Variants in CFAP46 observed in about 807,000 individuals in gnomAD.
The protein encoded by CFAP46 is cilia and flagella associated protein 46.
In CFAP46, 245 loss-of-function variants were observed where a neutral mutation model predicts 325.7. That is an observed-to-expected ratio of 0.75 (90% CI 0.68 to 0.84). The LOEUF (loss-of-function observed/expected upper bound fraction) is 0.84. CFAP46 is among the 40% of genes least tolerant of loss of function. CFAP46 has a pLI of 0.00. For synonymous variants in CFAP46, 1,523 were observed against 1,495.9 expected, an observed-to-expected ratio of 1.02 and a Z score of -0.42; for missense variants, 3,346 against 3,543.0, an observed-to-expected ratio of 0.94 and a Z score of 1.41.
Position 132,814,622 on chromosome 10 carries a change from G to A in CFAP46, c.7250-10C>T, listed in dbSNP as rs762980782. The A allele has an allele frequency of 5.8e-5, 92 of 1,577,886 alleles. No homozygotes were observed. The highest frequency in any genetic ancestry group is 6.0e-5 in the Non-Finnish European group (70 of 1,162,212). On this transcript the variant is annotated splice_polypyrimidine_tract_variant and intron_variant, in intron 52 of 57. Transcript: ENST00000368586. ...TATGGGTCCACGACGACTGGGTCCCGGTCAAGGAGAAACGGGAGCACAGGG... is the reference window on the plus strand; with the variant it reads ...TATGGGTCCACGACGACTGGGTCCCAGTCAAGGAGAAACGGGAGCACAGGG...
At position 132,827,266 on chromosome 10, in the gene CFAP46, C is replaced by T. The variant is rs557634101; in HGVS notation, c.7117+6092G>A. 9.2e-5 allele frequency among the ~76,000 whole-genome samples: 14 copies of T among 152,170 alleles called. No individual in the cohort carries two copies. The highest frequency in any genetic ancestry group is 5.2e-4 in the Admixed American group (8 of 15,296). On this transcript the variant is annotated intron_variant, in intron 50 of 57. Transcript: ENST00000368586. This position sits in a 1 kb window ranked among gnomAD's most constrained non-coding sequence, Gnocchi z 5.7. Reference sequence around the variant, plus strand: ...GCCACAGTTCCGAGAAGGGGCTGACCGTGGCCTGTGATGGACGGGGCACCC... The same window carrying T: ...GCCACAGTTCCGAGAAGGGGCTGACTGTGGCCTGTGATGGACGGGGCACCC...
chr10:132,862,078 C>T (rs766224680), intron 35 of CFAP46, among the ~76,000 whole-genome samples: 3 of 152,246 alleles, frequency 2.0e-5, no homozygotes, highest in Non-Finnish European at 4.4e-5. Context: ...CGCCAGACGG[C>T]GTAGGCAGGG....
intron 55 of CFAP46, among the ~76,000 whole-genome samples, chr10:132,811,335 C>T (rs1056347770): frequency 2.6e-5 from 4 of 152,198 alleles, no homozygotes; most frequent in Non-Finnish European, 5.9e-5. Flanking sequence ...GAGGGCATCT[C>T]GGCACCCCCA....
At chr10:132,933,507 C>T (rs56012870) in intron 8 of CFAP46, among the ~76,000 whole-genome samples, 9,970 of 152,274 alleles carry the variant, frequency 0.065, 774 homozygotes, top group African/African-American at 0.19. Context: ...TGATGGAAGA[C>T]GTAAACTCCT....
chr10:132,879,810 G>A (rs1849012333), intron 28 of CFAP46, among the ~76,000 whole-genome samples, 179 bp from the exon 29 acceptor site: 1 of 152,166 alleles, frequency 6.6e-6, no homozygotes, highest in Non-Finnish European at 1.5e-5. Flanking sequence ...CTTACTCTGC[G>A]AAGGCTGAGC....
Position 132,869,193 on chromosome 10 carries a change from T to G in CFAP46, c.4610+81A>C. ...AGGGGCAGGAGTCCAGGGAAGAGGG[T>G]GGCCGCGCAGCTGGCTTTCACCTGG... is the stretch of plus-strand genomic sequence containing the variant. On this transcript the variant is annotated intron_variant, in intron 33 of 57. Coordinates refer to ENST00000368586, the MANE Select transcript of CFAP46 (RefSeq NM_001200049.3). The surrounding 1 kb of genome is among the most constrained non-coding windows in gnomAD (Gnocchi z 6.2). 1 of 1,172,986 alleles carries G rather than the reference T, an allele frequency of 8.5e-7. No individual in the cohort carries two copies. The highest frequency in any genetic ancestry group is 2.3e-5 in the Admixed American group (1 of 42,794). The allele number at this position is 1,172,986 out of a possible 1,614,324, so 72.7% of individuals were successfully genotyped here.
intron 55 of CFAP46, 34 bp downstream of exon 55, chr10:132,812,751 G>C (rs372149461): frequency 6.5e-7 from 1 of 1,530,836 alleles, no homozygotes; most frequent in East Asian, 2.2e-5. Context: ...TCCTGTGCCC[G>C]CGGGGGAGGG....
At chr10:132,891,872 G>A (rs1440964135) in intron 25 of CFAP46, among the ~76,000 whole-genome samples, 1 of 152,148 alleles carries the variant, frequency 6.6e-6, no homozygotes, top group Non-Finnish European at 1.5e-5. Context: ...TCCCCTCTGA[G>A]TTGTCCCACC....
At position 132,879,407 on chromosome 10, in the gene CFAP46, A is replaced by C; in HGVS notation, c.4005+19T>G. 4 of 1,476,500 alleles carry C rather than the reference A, an allele frequency of 2.7e-6. No homozygotes were observed. In the Admixed American group the frequency reaches 9.3e-5, roughly 35 times the overall value. 91.5% of individuals were successfully genotyped at this position (1,476,500 alleles called of 1,614,324 possible). On this transcript the variant is annotated intron_variant, in intron 29 of 57. Coordinates refer to ENST00000368586, the MANE Select transcript of CFAP46 (RefSeq NM_001200049.3). ...CCGGGAGGTGCTGCAGGAGCAGGGGAGTCTGCGCTGGGCCTCACCTGCCAG... is the reference window on the plus strand; with the variant it reads ...CCGGGAGGTGCTGCAGGAGCAGGGGCGTCTGCGCTGGGCCTCACCTGCCAG...
intron 50 of CFAP46, among the ~76,000 whole-genome samples, chr10:132,821,794 T>A (rs1847841210): frequency 6.9e-6 from 1 of 144,280 alleles, no homozygotes; most frequent in African/African-American, 2.7e-5. Flanking sequence ...TGATGTGTGC[T>A]GTGTGTTGTG....
chr10:132,897,942 C>T (rs1003786337), intron 24 of CFAP46, among the ~76,000 whole-genome samples: 1 of 152,182 alleles, frequency 6.6e-6, no homozygotes, highest in African/African-American at 2.4e-5. Flanking sequence ...TCCAGCGCAG[C>T]GGCTTCTGTA....
rs372014919 is a variant in CFAP46 at position 132,826,090 on chromosome 10, G to A, written c.7117+7268C>T. On this transcript the variant is annotated intron_variant, in intron 50 of 57. Coordinates refer to ENST00000368586, the MANE Select transcript of CFAP46 (RefSeq NM_001200049.3). ...CCAGCCACGGAGCCAGGCAGGAGCCGGAGCCACAGAGACCAGCCACGGAGC... is the reference window on the plus strand; with the variant it reads ...CCAGCCACGGAGCCAGGCAGGAGCCAGAGCCACAGAGACCAGCCACGGAGC... 1.2e-3 allele frequency among the ~76,000 whole-genome samples: 114 copies of A among 95,050 alleles called. 1 individual carries two copies. Among genetic ancestry groups the A allele is most frequent in the Middle Eastern group, 8.3e-3 (1 of 120 alleles). 62.4% of individuals were successfully genotyped at this position (95,050 alleles called of 152,430 possible).
chr10:132,895,694 G>T (rs185438344), intron 24 of CFAP46, among the ~76,000 whole-genome samples: 2 of 152,282 alleles, frequency 1.3e-5, no homozygotes, highest in Admixed American at 1.3e-4. Context: ...CTCCAAAAAT[G>T]AAATTAGAAA....
rs779731091 is a variant in CFAP46, at chr10:132,885,859, G to A, written c.3405C>T (p.Asp1135=). ...DDWEGGLKVL[D]EAVQVLPRTA... The stretch of plus-strand genomic sequence containing the variant: ...TCCTTGGCAGCACCTGCACAGCCTC[G>A]TCCAGCACCTTGAGGCCGCCCTCCC... The change falls in exon 26 of 58, where the codon GAC becomes GAT. Residue 1135 remains aspartate, a synonymous_variant. Coordinates refer to ENST00000368586, the MANE Select transcript of CFAP46 (RefSeq NM_001200049.3). 3.5e-5 allele frequency: 54 copies of A among 1,549,040 alleles called. No individual in the cohort carries two copies. In the East Asian group the frequency reaches 5.4e-4, roughly 15 times the overall value.
intron 25 of CFAP46, among the ~76,000 whole-genome samples, chr10:132,887,914 TTC>T (rs374654797): frequency 0.066 from 2,372 of 35,820 alleles, 640 homozygotes; most frequent in Admixed American, 0.12. Context: ...CTCTCCCTTC[TTC>T]TCTCTCCTCT....
chr10:132,885,773 A>ACTCTCAGGCGGTGGAGGGAGCACT, intron 26 of CFAP46, 48 bp downstream of exon 26: 1 of 1,379,682 alleles, frequency 7.2e-7, no homozygotes, highest in East Asian at 2.6e-5. Flanking sequence ...TGGGGGGAGC[A>ACTCTCAGGCGGTGGAGGGAGCACT]CTCAGGCGGT....
chr10:132,891,238 C>G lies in CFAP46; in HGVS notation c.3304+1095G>C, dbSNP rs561846589. ...GTTCATGTAAACCAAAAATAACATT[C>G]TAAGCCCCCCAACCGACTGAATGGG... On this transcript the variant is annotated intron_variant, in intron 25 of 57. Coordinates refer to ENST00000368586, the MANE Select transcript of CFAP46 (RefSeq NM_001200049.3). Among the ~76,000 whole-genome samples, 53 of 152,340 alleles carry G rather than the reference C, an allele frequency of 3.5e-4. 1 individual carries two copies. Among genetic ancestry groups the G allele is most frequent in the African/African-American group, 1.1e-3 (47 of 41,574 alleles).
In CFAP46 at chr10:132,846,236, G is replaced by A. The variant is rs781227785; in HGVS notation, c.6268-9C>T. 1 of 1,610,404 alleles carries A rather than the reference G, an allele frequency of 6.2e-7. No homozygotes were observed. Among genetic ancestry groups the A allele is most frequent in the Non-Finnish European group, 8.5e-7 (1 of 1,179,020 alleles). Reference sequence around the variant, plus strand: ...TCTGAGGCCGAGCAGCTCTGAAAGGGAGCAGGGGAGGTGTACCAGGGGCCC... The same window carrying A: ...TCTGAGGCCGAGCAGCTCTGAAAGGAAGCAGGGGAGGTGTACCAGGGGCCC... On this transcript the variant is annotated splice_polypyrimidine_tract_variant and intron_variant, in intron 43 of 57. Transcript: ENST00000368586.
At chr10:132,866,879 A>T (rs1848821463) in intron 34 of CFAP46, among the ~76,000 whole-genome samples, 1 of 152,226 alleles carries the variant, frequency 6.6e-6, no homozygotes, top group Non-Finnish European at 1.5e-5. Flanking sequence ...TGCTGAGGGA[A>T]ACCCAGGTGG....
Sources: allele counts gnomAD v4.1 joint callset (sites outside exome capture counted in the v4.1 genomes callset), GRCh38; gene constraint gnomAD v4.1.1; non-coding constraint Gnocchi (gnomAD v3.1); transcripts MANE v1.5; gene names NCBI Gene and HGNC (gene_info 2026-07-23, HGNC 2026-07-21).